The following ATP9A variants were observed in gnomAD, a reference collection of about 807,000 sequenced individuals.
ATP9A encodes the protein ATPase phospholipid transporting 9A.
ATP9A carries 52 observed loss-of-function variants against 144.1 expected under a neutral mutation model. The observed-to-expected ratio is 0.36, with a 90% CI of 0.29 to 0.45. ATP9A has a LOEUF of 0.45. Among genes scored for constraint, ATP9A ranks in the 20% least tolerant of loss-of-function variants. The probability of loss-of-function intolerance (pLI) is 1.00; values close to 1 mark genes in which losing one functional copy is unlikely to be tolerated. For missense variants in ATP9A, 947 were observed against 1,392.7 expected (o/e 0.68, Z 5.09); for synonymous variants, 582 against 557.4 (o/e 1.04, Z -0.62).
chr20:51,684,760 C>G (rs1220312578), intron 9 of ATP9A, among the ~76,000 whole-genome samples: 1 of 150,876 alleles, frequency 6.6e-6, no homozygotes, highest in Non-Finnish European at 1.5e-5. Context: ...CCTGTAATCC[C>G]AGCACTTTGG....
intron 11 of ATP9A, among the ~76,000 whole-genome samples, chr20:51,671,804 C>CT (rs905695340): frequency 7.8e-4 from 117 of 149,640 alleles, no homozygotes; most frequent in African/African-American, 2.5e-3. Flanking sequence ...AATTTGACTA[C>CT]TTTTTTTTTT....
chr20:51,667,602 C>T (rs572933150), intron 13 of ATP9A, among the ~76,000 whole-genome samples: 2 of 152,226 alleles, frequency 1.3e-5, no homozygotes, highest in African/African-American at 4.8e-5. Flanking sequence ...CTAGATCCCA[C>T]TGCAAGTCTC....
chr20:51,676,917 C>CTTTTTTTTTTTTTT, intron 9 of ATP9A, among the ~76,000 whole-genome samples: 1 of 68,390 alleles, frequency 1.5e-5, no homozygotes, highest in Non-Finnish European at 2.7e-5. Flanking sequence ...CGCCCAGTCT[C>CTTTTTTTTTTTTTT]TTTTTTTTTT....
At chr20:51,603,911 G>C (rs989543016) in intron 27 of ATP9A, among the ~76,000 whole-genome samples, 45 of 152,256 alleles carry the variant, frequency 3.0e-4, no homozygotes, top group African/African-American at 1.1e-3. Context: ...CACCCAAGTA[G>C]CTGGGACTAC....
chr20:51,613,561 G>A (rs1364083483), intron 23 of ATP9A, 116 bp downstream of exon 23: 2 of 1,188,912 alleles, frequency 1.7e-6, no homozygotes, highest in Non-Finnish European at 2.3e-6. Context: ...CTAATTCCCA[G>A]GCTTTTTCCA....
At chr20:51,616,960 G>A (rs76500276) in intron 22 of ATP9A, among the ~76,000 whole-genome samples, 1 of 76,418 alleles carries the variant, frequency 1.3e-5, no homozygotes, top group Non-Finnish European at 2.6e-5. Context: ...TTTTTTTTTT[G>A]AGACAGAGTC....
intron 13 of ATP9A, among the ~76,000 whole-genome samples, chr20:51,669,417 T>C (rs2426371): frequency 0.73 from 111,106 of 152,100 alleles, 41,623 homozygotes; most frequent in Middle Eastern, 0.83. Flanking sequence ...AACTGCAAGT[T>C]ATCTCTGATG....
At chr20:51,635,732 C>CGGAA (rs147846573) in intron 15 of ATP9A, among the ~76,000 whole-genome samples, 2,434 of 137,940 alleles carry the variant, frequency 0.018, 68 homozygotes, top group African/African-American at 0.063. Flanking sequence ...GCAAGATGGA[C>CGGAA]GGAAGGAAGG....
chr20:51,684,425 G>A (rs935819598), intron 9 of ATP9A, among the ~76,000 whole-genome samples: 4 of 152,214 alleles, frequency 2.6e-5, no homozygotes, highest in Non-Finnish European at 4.4e-5. Flanking sequence ...GGCCAGGCGC[G>A]GTGGCTCATG....
At chr20:51,763,620 A>G (rs1389305369) in intron 1 of ATP9A, among the ~76,000 whole-genome samples, 1 of 152,132 alleles carries the variant, frequency 6.6e-6, no homozygotes, top group Non-Finnish European at 1.5e-5. Flanking sequence ...GCCAGTTTAC[A>G]TACTTTCAAT....
At chr20:51,726,427 A>G (rs2077713463) in intron 2 of ATP9A, among the ~76,000 whole-genome samples, 1 of 152,128 alleles carries the variant, frequency 6.6e-6, no homozygotes, top group Non-Finnish European at 1.5e-5. Context: ...TACATGGGTA[A>G]TAAAAGTATC....
intron 1 of ATP9A, among the ~76,000 whole-genome samples, chr20:51,761,043 T>C (rs1354813446): frequency 1.3e-5 from 2 of 152,048 alleles, no homozygotes; most frequent in East Asian, 1.9e-4. Flanking sequence ...AAAACAAGAA[T>C]GTAAGTCCTG....
chr20:51,686,222 G>C (rs1216016868), intron 9 of ATP9A, among the ~76,000 whole-genome samples: 3 of 151,814 alleles, frequency 2.0e-5, no homozygotes, highest in Non-Finnish European at 1.5e-5. Flanking sequence ...GTCGTGGCGT[G>C]GGGGAGTGGG....
chr20:51,756,862 C>G (rs1194238533), intron 1 of ATP9A, among the ~76,000 whole-genome samples: 1 of 152,070 alleles, frequency 6.6e-6, no homozygotes. Context: ...AACAATAGTC[C>G]AGACTATATG....
intron 16 of ATP9A, among the ~76,000 whole-genome samples, chr20:51,628,016 G>A (rs2253381): frequency 0.45 from 67,780 of 151,942 alleles, 15,851 homozygotes; most frequent in East Asian, 0.68. Flanking sequence ...AAAACCAGGT[G>A]CATTTTCCCA....
chr20:51,636,659 T>G (rs2077293482), intron 15 of ATP9A, among the ~76,000 whole-genome samples: 2 of 152,176 alleles, frequency 1.3e-5, no homozygotes, highest in African/African-American at 4.8e-5. Flanking sequence ...CCAGCTCCCC[T>G]CAATTCCAGC....
intron 14 of ATP9A, among the ~76,000 whole-genome samples, chr20:51,651,654 AG>A (rs1231820966): frequency 1.3e-4 from 20 of 150,594 alleles, no homozygotes; most frequent in Admixed American, 5.3e-4. Context: ...TTTGGCCAGG[AG>A]TGGTGGCTCA....
intron 4 of ATP9A, among the ~76,000 whole-genome samples, chr20:51,699,537 A>G (rs2077584870): frequency 6.6e-6 from 1 of 152,152 alleles, no homozygotes; most frequent in African/African-American, 2.4e-5. Context: ...AATCGGTTCC[A>G]TAAGATTTGT....
chr20:51,737,565 A>G (rs571727521), intron 1 of ATP9A, among the ~76,000 whole-genome samples: 2 of 152,334 alleles, frequency 1.3e-5, no homozygotes, highest in Admixed American at 6.5e-5. Context: ...ATTCACAGAA[A>G]AAGAATACAA....
Sources: allele counts gnomAD v4.1 joint callset (sites outside exome capture counted in the v4.1 genomes callset), GRCh38; gene constraint gnomAD v4.1.1; transcripts MANE v1.5; gene names NCBI Gene and HGNC (gene_info 2026-07-23, HGNC 2026-07-21).